The following PTPRD variants were observed in gnomAD, a reference collection of about 807,000 sequenced individuals.
PTPRD encodes receptor-type tyrosine-protein phosphatase delta.
PTPRD carries 34 observed loss-of-function variants against 214.5 expected under a neutral mutation model. The ratio of observed to expected loss-of-function variants is 0.16; its 90% CI spans 0.12 to 0.21. PTPRD has a LOEUF of 0.21. Among genes scored for constraint, PTPRD ranks in the 10% least tolerant of loss-of-function variants. The pLI is 1.00. For synonymous variants in PTPRD, 1,128 were observed against 845.7 expected, an observed-to-expected ratio of 1.33 and a Z score of -5.79; for missense variants, 2,545 against 2,398.7, an observed-to-expected ratio of 1.06 and a Z score of -1.27.
At chr9:10,467,249 G>C (rs1019608640) in intron 2 of PTPRD, among the ~76,000 whole-genome samples, 3 of 152,168 alleles carry the variant, frequency 2.0e-5, no homozygotes, top group African/African-American at 7.2e-5. Flanking sequence ...GTTAGATCTG[G>C]CATCTGCCAA....
chr9:10,284,213 C>T (rs1378880335), intron 3 of PTPRD, among the ~76,000 whole-genome samples: 1 of 151,940 alleles, frequency 6.6e-6, no homozygotes, highest in African/African-American at 2.4e-5. Context: ...ACAGAGACCC[C>T]ATCTCAAAAT....
At chr9:8,691,555 C>G (rs977711924) in intron 12 of PTPRD, among the ~76,000 whole-genome samples, 1 of 152,102 alleles carries the variant, frequency 6.6e-6, no homozygotes, top group Non-Finnish European at 1.5e-5. Flanking sequence ...TTTCACAAGT[C>G]TTTTGAAACC....
intron 7 of PTPRD, among the ~76,000 whole-genome samples, chr9:9,657,209 T>G (rs2096535451): frequency 6.6e-6 from 1 of 152,048 alleles, no homozygotes; most frequent in Admixed American, 6.6e-5. Context: ...GTTTATAAAT[T>G]TTATAGTAAA....
At chr9:9,302,512 T>C (rs1052735471) in intron 9 of PTPRD, among the ~76,000 whole-genome samples, 5 of 151,820 alleles carry the variant, frequency 3.3e-5, no homozygotes, top group Non-Finnish European at 7.4e-5. Context: ...TTCCTGCTTA[T>C]ATTTCCATGT....
intron 8 of PTPRD, among the ~76,000 whole-genome samples, chr9:9,551,800 C>G (rs1377547613): frequency 1.3e-5 from 2 of 151,978 alleles, no homozygotes; most frequent in Admixed American, 6.6e-5. Context: ...CTGCCCCAAA[C>G]CAACTTATGT....
At chr9:8,990,412 C>T (rs904502334) in intron 11 of PTPRD, among the ~76,000 whole-genome samples, 5 of 152,110 alleles carry the variant, frequency 3.3e-5, no homozygotes, top group African/African-American at 7.2e-5. Flanking sequence ...AGGGACTGAA[C>T]TTATCAACTG....
chr9:8,581,981 A>T (rs2093189949), intron 14 of PTPRD, among the ~76,000 whole-genome samples: 1 of 151,664 alleles, frequency 6.6e-6, no homozygotes, highest in Non-Finnish European at 1.5e-5. Flanking sequence ...GATAATTTAC[A>T]AATTTTTAAA....
At chr9:8,343,847 G>A (rs1489901654) in intron 39 of PTPRD, among the ~76,000 whole-genome samples, 1 of 152,004 alleles carries the variant, frequency 6.6e-6, no homozygotes, top group Non-Finnish European at 1.5e-5. Flanking sequence ...CTGCAGTAAT[G>A]AGCAGCCCGT....
At chr9:8,795,254 T>C (rs2096376764) in intron 11 of PTPRD, among the ~76,000 whole-genome samples, 1 of 152,098 alleles carries the variant, frequency 6.6e-6, no homozygotes, top group African/African-American at 2.4e-5. Context: ...AACCTCCGCC[T>C]CCCAGGTTCA....
intron 3 of PTPRD, among the ~76,000 whole-genome samples, chr9:10,076,535 C>T (rs995933222): frequency 3.3e-5 from 5 of 152,030 alleles, no homozygotes; most frequent in African/African-American, 9.7e-5. Context: ...TAAAAACATG[C>T]AGTAAATGAG....
At chr9:9,742,972 A>T (rs1001106996) in intron 6 of PTPRD, among the ~76,000 whole-genome samples, 1 of 152,180 alleles carries the variant, frequency 6.6e-6, no homozygotes, top group African/African-American at 2.4e-5. Flanking sequence ...CTAATAATTA[A>T]TAGGCATAAC....
chr9:9,562,283 A>G (rs2083168338), intron 8 of PTPRD, among the ~76,000 whole-genome samples: 1 of 152,090 alleles, frequency 6.6e-6, no homozygotes, highest in Non-Finnish European at 1.5e-5. Context: ...ATCCTTCAAA[A>G]TTTACCTAGA....
intron 3 of PTPRD, among the ~76,000 whole-genome samples, chr9:10,259,783 C>A (rs1254423074): frequency 6.6e-6 from 1 of 152,160 alleles, no homozygotes; most frequent in African/African-American, 2.4e-5. Context: ...CTGCCTGGTT[C>A]CTGTTAGCTC....
At chr9:10,544,312 G>T (rs2059754798) in intron 2 of PTPRD, among the ~76,000 whole-genome samples, 1 of 152,036 alleles carries the variant, frequency 6.6e-6, no homozygotes, top group African/African-American at 2.4e-5. Context: ...TTTTGAAAGA[G>T]GTTTATATAA....
intron 27 of PTPRD, among the ~76,000 whole-genome samples, chr9:8,487,682 T>C (rs1402646154): frequency 6.6e-6 from 1 of 152,050 alleles, no homozygotes. Flanking sequence ...TGGTGGTGCA[T>C]GCCTGTAATC....
intron 44 of PTPRD, among the ~76,000 whole-genome samples, chr9:8,324,483 C>G (rs903128303): frequency 2.0e-5 from 3 of 152,142 alleles, no homozygotes; most frequent in African/African-American, 7.2e-5. Context: ...GCCGCATTTT[C>G]TTTATCCAAT....
At chr9:9,024,189 C>G (rs12684760) in intron 10 of PTPRD, among the ~76,000 whole-genome samples, 62,550 of 151,310 alleles carry the variant, frequency 0.41, 13,125 homozygotes, top group Non-Finnish European at 0.45. Flanking sequence ...GCTATGTTCT[C>G]TTTTTTACTT....
chr9:10,054,176 G>C (rs982607741), intron 3 of PTPRD, among the ~76,000 whole-genome samples: 1 of 152,042 alleles, frequency 6.6e-6, no homozygotes, highest in East Asian at 1.9e-4. Context: ...ATCCCCAATG[G>C]CCAATGATGG....
At chr9:8,833,619 T>C (rs1432121892) in intron 11 of PTPRD, among the ~76,000 whole-genome samples, 1 of 150,900 alleles carries the variant, frequency 6.6e-6, no homozygotes, top group Non-Finnish European at 1.5e-5. Context: ...AAAACTCTAC[T>C]CAGTGAATGA....
Sources: allele counts gnomAD v4.1 joint callset (sites outside exome capture counted in the v4.1 genomes callset), GRCh38; gene constraint gnomAD v4.1.1; transcripts MANE v1.5; gene names NCBI Gene and HGNC (gene_info 2026-07-23, HGNC 2026-07-21).